Variants in MOSMO observed in about 807,000 individuals in gnomAD.
MOSMO encodes the protein modulator of smoothened.
Under a neutral mutation model 18.4 loss-of-function variants are expected in MOSMO, and 5 were observed. The ratio of observed to expected loss-of-function variants is 0.27; its 90% confidence interval spans 0.14 to 0.57. MOSMO has a LOEUF of 0.57. Ranked by LOEUF, MOSMO falls within the 20% of genes least tolerant of loss-of-function variation. The pLI, the probability that MOSMO is intolerant of heterozygous loss-of-function variation, is 0.92. For synonymous variants in MOSMO, 82 were observed against 82.3 expected (o/e 1.00, Z 0.02); for missense variants, 138 against 211.8 (o/e 0.65, Z 2.16).
intron 1 of MOSMO, among the ~76,000 whole-genome samples, chr16:22,039,897 T>C (rs1900178396): frequency 6.6e-6 from 1 of 152,198 alleles, no homozygotes; most frequent in Non-Finnish European, 1.5e-5. Context: ...TGCTTATTAA[T>C]ATGTTCACTT....
chr16:22,028,876 G>A (rs184309218), intron 1 of MOSMO, among the ~76,000 whole-genome samples: 1 of 152,178 alleles, frequency 6.6e-6, no homozygotes, highest in African/African-American at 2.4e-5. Flanking sequence ...TTGTTTGTTT[G>A]TTTATTTATT....
intron 1 of MOSMO, among the ~76,000 whole-genome samples, chr16:22,013,889 G>A (rs1304489087): frequency 6.7e-6 from 1 of 149,840 alleles, no homozygotes; most frequent in East Asian, 2.0e-4. Context: ...TTGGGGGGGG[G>A]GAATCTCAAA....
At chr16:22,046,698 G>T (rs1018169820) in intron 1 of MOSMO, among the ~76,000 whole-genome samples, 7 of 152,122 alleles carry the variant, frequency 4.6e-5, no homozygotes, top group African/African-American at 1.7e-4. Context: ...TGTGAAAGAC[G>T]TGGCGCTGAA....
chr16:22,043,215 GAC>G (rs1270285641), intron 1 of MOSMO, among the ~76,000 whole-genome samples: 1 of 152,150 alleles, frequency 6.6e-6, no homozygotes, highest in Non-Finnish European at 1.5e-5. Context: ...TTGCTAGCAT[GAC>G]ACATAGAAAC....
intron 1 of MOSMO, among the ~76,000 whole-genome samples, chr16:22,012,262 A>C (rs1283501568): frequency 1.3e-5 from 2 of 152,174 alleles, no homozygotes; most frequent in Admixed American, 1.3e-4. Context: ...TCAGAATTCA[A>C]GTCTAGACTT....
chr16:22,023,009 G>A (rs1899796206), intron 1 of MOSMO, among the ~76,000 whole-genome samples: 1 of 152,178 alleles, frequency 6.6e-6, no homozygotes, highest in Non-Finnish European at 1.5e-5. Context: ...ATCACAGGTA[G>A]CCTACAAGAT....
intron 2 of MOSMO, among the ~76,000 whole-genome samples, chr16:22,077,186 C>T (rs1241981258): frequency 6.6e-6 from 1 of 152,066 alleles, no homozygotes; most frequent in Non-Finnish European, 1.5e-5. Context: ...AATGCATATG[C>T]CTTGAATACC....
At chr16:22,034,761 T>G (rs1156826118) in intron 1 of MOSMO, among the ~76,000 whole-genome samples, 2 of 142,296 alleles carry the variant, frequency 1.4e-5, no homozygotes, top group East Asian at 4.0e-4. Flanking sequence ...TTTTTTTTTT[T>G]TTTTTTTTTT....
intron 1 of MOSMO, among the ~76,000 whole-genome samples, chr16:22,022,220 A>G (rs1043817186): frequency 2.0e-5 from 3 of 149,866 alleles, no homozygotes; most frequent in East Asian, 3.9e-4. Flanking sequence ...TAGTCTCGCT[A>G]TGTTGCCCAG....
intron 1 of MOSMO, among the ~76,000 whole-genome samples, chr16:22,013,884 G>A (rs552798324): frequency 6.6e-6 from 1 of 151,600 alleles, no homozygotes; most frequent in East Asian, 1.9e-4. Context: ...ACTGTTTGGG[G>A]GGGGGGAATC....
intron 1 of MOSMO, among the ~76,000 whole-genome samples, chr16:22,055,995 A>G (rs1598016261): frequency 6.6e-6 from 1 of 152,168 alleles, no homozygotes; most frequent in South Asian, 2.1e-4. Flanking sequence ...AAGCATGCCA[A>G]AACTGTGAAG....
intron 1 of MOSMO, among the ~76,000 whole-genome samples, chr16:22,043,654 T>C (rs187102023): frequency 5.9e-5 from 9 of 152,288 alleles, no homozygotes; most frequent in Admixed American, 1.3e-4. Flanking sequence ...CAAGACAAAA[T>C]AGTTTGTCCC....
At chr16:22,040,365 C>T (rs1900187318) in intron 1 of MOSMO, among the ~76,000 whole-genome samples, 1 of 152,144 alleles carries the variant, frequency 6.6e-6, no homozygotes, top group African/African-American at 2.4e-5. Flanking sequence ...ACCCCCATAA[C>T]ACAAGTTTAC....
chr16:22,092,378 A>G, downstream of MOSMO: 1 of 406,248 alleles, frequency 2.5e-6, no homozygotes, highest in Non-Finnish European at 4.6e-6. Context: ...TGTGAGGTGG[A>G]GAAAAGCAGA....
chr16:22,030,946 C>G (rs1181681140), intron 1 of MOSMO, among the ~76,000 whole-genome samples: 1 of 152,114 alleles, frequency 6.6e-6, no homozygotes, highest in Admixed American at 6.5e-5. Context: ...CTTCTCTAGG[C>G]CAACCTGCAA....
At position 22,008,280 on chromosome 16, in the gene MOSMO, G is replaced by A. The variant is rs747696648; in HGVS notation, c.-22G>A. On this transcript the variant is annotated 5_prime_UTR_variant, in exon 1 of 3. It adds an upstream start codon to the 5' untranslated region. Coordinates refer to ENST00000542527, the MANE Select transcript of MOSMO (RefSeq NM_001164579.2). Reference sequence around the variant, plus strand: ...CCGCTGCCTGTCCGGGGCTCGGGGGGTGGGGGGAGCGGGGCGGGGAGATGG... The same window carrying A: ...CCGCTGCCTGTCCGGGGCTCGGGGGATGGGGGGAGCGGGGCGGGGAGATGG... 5.4e-6 allele frequency: 8 copies of A among 1,474,272 alleles called. No individual in the cohort carries two copies. Among genetic ancestry groups the A allele is most frequent in the South Asian group, 3.7e-5 (3 of 81,404 alleles). 91.3% of individuals were successfully genotyped at this position (1,474,272 alleles called of 1,614,324 possible).
chr16:22,048,311 G>C (rs954992005), intron 1 of MOSMO, among the ~76,000 whole-genome samples: 2 of 152,180 alleles, frequency 1.3e-5, no homozygotes, highest in African/African-American at 4.8e-5. Context: ...GTATACAAAG[G>C]ACTTAGGATA....
At chr16:22,043,946 A>G (rs957058593) in intron 1 of MOSMO, among the ~76,000 whole-genome samples, 2 of 152,226 alleles carry the variant, frequency 1.3e-5, no homozygotes, top group East Asian at 1.9e-4. Flanking sequence ...GGGAGGCCTC[A>G]CAATCATGGC....
intron 1 of MOSMO, among the ~76,000 whole-genome samples, chr16:22,022,254 C>G (rs951111946): frequency 1.3e-5 from 2 of 151,698 alleles, no homozygotes. Flanking sequence ...TCCTCCTGAA[C>G]TCAAGCAGTT....
Sources: gnomAD v4.1 joint callset for allele counts (sites outside exome capture counted in the v4.1 genomes callset) on GRCh38, gnomAD v4.1.1 for gene constraint, MANE v1.5 for transcripts, NCBI Gene and HGNC (gene_info 2026-07-23, HGNC 2026-07-21) for gene names.